UBR1: variants seen among roughly 807,000 people sequenced by gnomAD.
The protein encoded by UBR1 is E3 ubiquitin-protein ligase UBR1.
In UBR1, 102 loss-of-function variants were observed where a neutral mutation model predicts 242.1. That is an observed-to-expected ratio of 0.42 (90% CI 0.36 to 0.50). The LOEUF (loss-of-function observed/expected upper bound fraction) is 0.50, where lower values mean the gene tolerates loss of function less well. Among genes scored for constraint, UBR1 ranks in the 20% least tolerant of loss-of-function variants. The pLI is 0.01. For synonymous variants in UBR1, 675 were observed against 684.8 expected (o/e 0.99, Z 0.22); for missense variants, 1,772 against 2,101.8 (o/e 0.84, Z 3.07).
chr15:42,997,761 CAATAA>C (rs2032662338), intron 33 of UBR1, among the ~76,000 whole-genome samples: 1 of 152,094 alleles, frequency 6.6e-6, no homozygotes, highest in Admixed American at 6.5e-5. Flanking sequence ...ATCCTTCAAC[CAATAA>C]AATAGGTACT....
chr15:43,045,034 A>G (rs2033466852), intron 14 of UBR1, among the ~76,000 whole-genome samples: 1 of 152,268 alleles, frequency 6.6e-6, no homozygotes, highest in African/African-American at 2.4e-5. Flanking sequence ...TTGAACATAT[A>G]GAAAACAGTG....
rs1384794083 is a variant in UBR1, at chr15:42,951,802, G to T, written c.5006+476C>A. Among the ~76,000 whole-genome samples, 7 of 151,956 alleles carry T rather than the reference G, an allele frequency of 4.6e-5. No individual in the cohort carries two copies. The South Asian group carries it at 1.2e-3, about 27-fold the overall frequency. On this transcript the variant is annotated intron_variant, in intron 45 of 46. Transcript: ENST00000290650. ...CCTGGCTAATTTTTTATAGAGATGG[G>T]GGTCTCGCCTTGCTGCCCAGGCTGA...
At chr15:42,988,093 C>A (rs2032501919) in intron 35 of UBR1, among the ~76,000 whole-genome samples, 1 of 152,130 alleles carries the variant, frequency 6.6e-6, no homozygotes, top group African/African-American at 2.4e-5. Flanking sequence ...CTGCCTCAGT[C>A]TTCCTTTCCC....
intron 19 of UBR1, 152 bp from the exon 20 acceptor site, chr15:43,032,783 C>T (rs998032633): frequency 2.1e-5 from 11 of 528,474 alleles, no homozygotes; most frequent in East Asian, 3.1e-5. Flanking sequence ...CAAATAGTTA[C>T]AATAGTTCCC....
At chr15:43,026,335 C>T in intron 23 of UBR1, 1 of 451,736 alleles carries the variant, frequency 2.2e-6, no homozygotes, top group South Asian at 2.8e-5. Flanking sequence ...TGATTGAATC[C>T]TCTTCCCAAA....
chr15:42,995,003 T>C (rs1244080288), intron 33 of UBR1, among the ~76,000 whole-genome samples: 2 of 152,366 alleles, frequency 1.3e-5, no homozygotes, highest in African/African-American at 4.8e-5. Flanking sequence ...CCTTAGCTTA[T>C]GTTCAGTATT....
intron 40 of UBR1, among the ~76,000 whole-genome samples, chr15:42,967,125 C>T (rs1244180225): frequency 1.3e-5 from 2 of 151,338 alleles, no homozygotes; most frequent in African/African-American, 2.4e-5. Flanking sequence ...ACCATGTTGG[C>T]CAGGATGGTT....
chr15:43,059,911 A>G, intron 7 of UBR1, 86 bp from the exon 8 acceptor site: 1 of 1,572,154 alleles, frequency 6.4e-7, no homozygotes, highest in Non-Finnish European at 8.8e-7. Context: ...AAGAAATCAC[A>G]TAACCCTGCC....
intron 20 of UBR1, among the ~76,000 whole-genome samples, chr15:43,032,224 T>C (rs1032482821): frequency 2.6e-5 from 4 of 152,172 alleles, no homozygotes; most frequent in Non-Finnish European, 5.9e-5. Context: ...TAAACATTAT[T>C]TCTGGCAAAG....
intron 14 of UBR1, among the ~76,000 whole-genome samples, chr15:43,046,353 A>T (rs2033485576): frequency 6.6e-6 from 1 of 152,226 alleles, no homozygotes; most frequent in Non-Finnish European, 1.5e-5. Context: ...ATTATAGTTC[A>T]CAGGGGTGCA....
intron 5 of UBR1, 44 bp from the exon 6 acceptor site, chr15:43,068,080 A>C: frequency 7.1e-7 from 1 of 1,407,384 alleles, no homozygotes; most frequent in Non-Finnish European, 9.7e-7. Context: ...ACAACAAATA[A>C]AGGAAAAGTA....
intron 25 of UBR1, 28 bp downstream of exon 25, chr15:43,024,801 G>A: frequency 6.2e-7 from 1 of 1,614,014 alleles, no homozygotes; most frequent in Non-Finnish European, 8.5e-7. Flanking sequence ...AGGACTTGAT[G>A]TAGAGAAAAT....
At chr15:43,067,819 T>C (rs1165014788) in intron 6 of UBR1, 79 bp downstream of exon 6, 27 of 1,582,042 alleles carry the variant, frequency 1.7e-5, no homozygotes, top group Middle Eastern at 1.9e-4. Context: ...AGCACAATAC[T>C]GAGCAAGGGC....
intron 22 of UBR1, 111 bp from the exon 23 acceptor site, chr15:43,026,774 T>C (rs1294326178): frequency 1.1e-6 from 1 of 897,942 alleles, no homozygotes; most frequent in Non-Finnish European, 1.7e-6. Context: ...AAAAAAATTA[T>C]GTCTCATTTA....
chr15:43,069,777 G>A (rs551348653), intron 5 of UBR1, among the ~76,000 whole-genome samples: 40 of 152,190 alleles, frequency 2.6e-4, no homozygotes, highest in Admixed American at 2.6e-3. Flanking sequence ...CCAAAGACCC[G>A]TGCTACCCAC....
At chr15:43,028,484 C>T (rs1410481832) in intron 21 of UBR1, among the ~76,000 whole-genome samples, 1 of 152,086 alleles carries the variant, frequency 6.6e-6, no homozygotes, top group African/African-American at 2.4e-5. Context: ...CAGTGGCTCA[C>T]ACCTGTAATC....
intron 40 of UBR1, among the ~76,000 whole-genome samples, chr15:42,968,834 A>G (rs7163363): frequency 0.01 from 1,541 of 152,232 alleles, 29 homozygotes; most frequent in African/African-American, 0.035. Flanking sequence ...ATATCCCTGC[A>G]AAAGACATGA....
intron 42 of UBR1, among the ~76,000 whole-genome samples, chr15:42,962,864 A>G (rs2032045864): frequency 6.6e-6 from 1 of 152,152 alleles, no homozygotes; most frequent in Non-Finnish European, 1.5e-5. Context: ...GAACCCATGC[A>G]GAAGTCAGCT....
rs1337345261 is a variant in UBR1 at position 42,945,287 on chromosome 15, C to T, written c.*42G>A. The T allele has an allele frequency of 6.2e-7, 1 of 1,613,944 alleles. No homozygotes were observed. Among genetic ancestry groups the T allele is most frequent in the South Asian group, 1.1e-5 (1 of 91,014 alleles). ...TTCCATAATTTTGAATCAGCCTTTA[C>T]TACTGTCGTCATTTGTGATTGTCTT... On this transcript the variant is annotated 3_prime_UTR_variant, in exon 47 of 47. Transcript: ENST00000290650.
Sources: gnomAD v4.1 joint callset for allele counts (sites outside exome capture counted in the v4.1 genomes callset) on GRCh38, gnomAD v4.1.1 for gene constraint, MANE v1.5 for transcripts, NCBI Gene and HGNC (gene_info 2026-07-23, HGNC 2026-07-21) for gene names.